The following ZMAT4 variants were observed in gnomAD, a reference collection of about 807,000 sequenced individuals.
The protein encoded by ZMAT4 is zinc finger matrin-type protein 4.
Under a neutral mutation model 28.7 loss-of-function variants are expected in ZMAT4, and 17 were observed. The observed-to-expected ratio is 0.59, with a 90% confidence interval of 0.41 to 0.89. ZMAT4 has a LOEUF of 0.89. Among genes scored for constraint, ZMAT4 ranks in the 40% least tolerant of loss-of-function variants. ZMAT4 has a pLI of 0.00. For synonymous variants in ZMAT4, 117 were observed against 109.2 expected, an observed-to-expected ratio of 1.07 and a Z score of -0.44; for missense variants, 240 against 283.8, an observed-to-expected ratio of 0.85 and a Z score of 1.11.
intron 5 of ZMAT4, among the ~76,000 whole-genome samples, chr8:40,629,009 T>C (rs28408677): frequency 1.2e-4 from 11 of 93,366 alleles, no homozygotes; most frequent in Admixed American, 2.0e-4. Flanking sequence ...TTTCTTTTCT[T>C]TTTTTTTTTT....
At chr8:40,541,126 C>T (rs545761525) in intron 6 of ZMAT4, among the ~76,000 whole-genome samples, 4 of 152,242 alleles carry the variant, frequency 2.6e-5, no homozygotes, top group East Asian at 1.9e-4. Flanking sequence ...GTATTACATA[C>T]CTGGTACATA....
At chr8:40,642,071 A>G (rs1807056597) in intron 5 of ZMAT4, among the ~76,000 whole-genome samples, 1 of 152,348 alleles carries the variant, frequency 6.6e-6, no homozygotes, top group East Asian at 1.9e-4. Flanking sequence ...AAGGTTGTCA[A>G]ATTTACCAAA....
chr8:40,681,867 A>C (rs1217951393), intron 4 of ZMAT4, among the ~76,000 whole-genome samples: 8 of 152,144 alleles, frequency 5.3e-5, no homozygotes, highest in Non-Finnish European at 1.2e-4. Flanking sequence ...TATACTCTGA[A>C]AGACATGCAG....
rs555029868 is a variant in ZMAT4, at chr8:40,788,156, T to C, written c.103-20426A>G. 9.2e-5 allele frequency among the ~76,000 whole-genome samples: 14 copies of C among 152,228 alleles called. No individual in the cohort carries two copies. In the East Asian group the frequency reaches 2.7e-3, roughly 29 times the overall value. ...AGACACTAATCATGAATATCAGGAA[T>C]GAGAGATAAAAAAACATGACTCCTT... On this transcript the variant is annotated intron_variant, in intron 2 of 6. Transcript: ENST00000297737.
chr8:40,854,877 G>A (rs1315326463), intron 1 of ZMAT4, among the ~76,000 whole-genome samples: 3 of 151,932 alleles, frequency 2.0e-5, no homozygotes. Flanking sequence ...AATTACAAAA[G>A]GACTAATTAT....
chr8:40,755,516 G>A (rs544597639), intron 3 of ZMAT4, among the ~76,000 whole-genome samples: 6 of 152,200 alleles, frequency 3.9e-5, no homozygotes, highest in East Asian at 1.9e-4. Flanking sequence ...GCAATGGCCC[G>A]ATCTCGGCTC....
chr8:40,701,471 C>T (rs975786664), intron 3 of ZMAT4, among the ~76,000 whole-genome samples: 13 of 149,574 alleles, frequency 8.7e-5, no homozygotes, highest in African/African-American at 3.2e-4. Context: ...ACACTAACTG[C>T]TCTAATGACG....
At chr8:40,631,212 G>A (rs564837366) in intron 5 of ZMAT4, among the ~76,000 whole-genome samples, 8 of 152,100 alleles carry the variant, frequency 5.3e-5, no homozygotes, top group East Asian at 3.9e-4. Context: ...TCACTCTCTC[G>A]CCCAGGCTGG....
intron 3 of ZMAT4, among the ~76,000 whole-genome samples, chr8:40,701,472 T>G (rs2150498816): frequency 6.6e-6 from 1 of 150,440 alleles, no homozygotes; most frequent in East Asian, 2.0e-4. Context: ...CACTAACTGC[T>G]CTAATGACGC....
intron 6 of ZMAT4, among the ~76,000 whole-genome samples, chr8:40,536,119 A>G (rs1239551214): frequency 1.3e-5 from 2 of 152,334 alleles, no homozygotes; most frequent in Admixed American, 1.3e-4. Flanking sequence ...GCATTGATAA[A>G]CCAAATGAAG....
intron 5 of ZMAT4, among the ~76,000 whole-genome samples, chr8:40,621,606 T>C (rs542626273): frequency 3.3e-5 from 5 of 152,344 alleles, no homozygotes; most frequent in African/African-American, 7.2e-5. Context: ...AATACTGACA[T>C]GATTTGATAT....
intron 2 of ZMAT4, among the ~76,000 whole-genome samples, chr8:40,768,399 G>C (rs1259166619): frequency 6.6e-6 from 1 of 152,202 alleles, no homozygotes; most frequent in African/African-American, 2.4e-5. Flanking sequence ...TCCATGCCCA[G>C]CATGGAGAAA....
At chr8:40,893,646 G>A (rs905288225) in intron 1 of ZMAT4, among the ~76,000 whole-genome samples, 2 of 152,196 alleles carry the variant, frequency 1.3e-5, no homozygotes, top group Non-Finnish European at 1.5e-5. Flanking sequence ...ATTTGACTGT[G>A]CACATCTTTT....
intron 4 of ZMAT4, among the ~76,000 whole-genome samples, chr8:40,686,848 G>A (rs538584194): frequency 6.6e-6 from 1 of 152,182 alleles, no homozygotes; most frequent in South Asian, 2.1e-4. Context: ...GTGTCTGTTT[G>A]ACAAAAGTTA....
intron 5 of ZMAT4, among the ~76,000 whole-genome samples, chr8:40,632,261 A>C (rs1283502085): frequency 6.6e-6 from 1 of 152,246 alleles, no homozygotes; most frequent in African/African-American, 2.4e-5. Flanking sequence ...TTTCAGGAGC[A>C]AAGGGCAAGA....
chr8:40,871,118 G>A (rs1817839974), intron 1 of ZMAT4, among the ~76,000 whole-genome samples: 2 of 152,130 alleles, frequency 1.3e-5, no homozygotes, highest in Admixed American at 6.5e-5. Flanking sequence ...TGACTCCACT[G>A]CCCACTCATT....
intron 6 of ZMAT4, among the ~76,000 whole-genome samples, chr8:40,539,569 T>G (rs1438925671): frequency 1.3e-5 from 2 of 152,236 alleles, no homozygotes; most frequent in Non-Finnish European, 2.9e-5. Flanking sequence ...ATTAATTTCA[T>G]TTAGCCTCAG....
chr8:40,606,473 A>T (rs557437176), intron 5 of ZMAT4, among the ~76,000 whole-genome samples: 1 of 152,246 alleles, frequency 6.6e-6, no homozygotes, highest in African/African-American at 2.4e-5. Flanking sequence ...CTTGGCTGAT[A>T]ATTATTTTGT....
intron 3 of ZMAT4, among the ~76,000 whole-genome samples, chr8:40,730,086 C>G (rs898704458): frequency 6.6e-6 from 1 of 152,012 alleles, no homozygotes; most frequent in African/African-American, 2.4e-5. Context: ...AAAAAGAAAA[C>G]AGATAATCCA....
Sources: gnomAD v4.1 joint callset for allele counts (sites outside exome capture counted in the v4.1 genomes callset) on GRCh38, gnomAD v4.1.1 for gene constraint, MANE v1.5 for transcripts, NCBI Gene and HGNC (gene_info 2026-07-23, HGNC 2026-07-21) for gene names.